Variants in GARS1 observed in about 807,000 individuals in gnomAD.
GARS1 encodes the protein glycine--tRNA ligase.
GARS1 carries 46 observed loss-of-function variants against 86.4 expected under a neutral mutation model. The ratio of observed to expected loss-of-function variants is 0.53; its 90% CI spans 0.42 to 0.68. The LOEUF (loss-of-function observed/expected upper bound fraction) is 0.68. Among genes scored for constraint, GARS1 ranks in the 30% least tolerant of loss-of-function variants. The pLI is 0.00. For synonymous variants in GARS1, 342 were observed against 329.8 expected (o/e 1.04, Z -0.40); for missense variants, 797 against 915.6 (o/e 0.87, Z 1.67).
intron 6 of GARS1, among the ~76,000 whole-genome samples, chr7:30,607,961 G>C (rs1791516753): frequency 6.6e-6 from 1 of 152,096 alleles, no homozygotes; most frequent in Non-Finnish European, 1.5e-5. Context: ...CTCCATTGTG[G>C]TTTTCTTCAC....
intron 10 of GARS1, among the ~76,000 whole-genome samples, chr7:30,620,990 A>G (rs1237018553): frequency 6.6e-6 from 1 of 152,214 alleles, no homozygotes; most frequent in Non-Finnish European, 1.5e-5. Flanking sequence ...CAGTATAACA[A>G]TATAAATCCA....
intron 10 of GARS1, among the ~76,000 whole-genome samples, chr7:30,618,782 T>C (rs1256655177): frequency 6.6e-6 from 1 of 152,246 alleles, no homozygotes; most frequent in Non-Finnish European, 1.5e-5. Flanking sequence ...AATGATGTTG[T>C]TTTTAATATA....
At chr7:30,600,575 T>A (rs1352394996) in intron 3 of GARS1, among the ~76,000 whole-genome samples, 1 of 152,240 alleles carries the variant, frequency 6.6e-6, no homozygotes, top group African/African-American at 2.4e-5. Context: ...AACGGATTAT[T>A]ACAACAACAT....
rs375716806 is a variant in GARS1 at position 30,632,219 on chromosome 7, T to G, written c.1904-28T>G. Reference sequence around the variant, plus strand: ...CTGGGCTTAACTCCATTGTTTTATTTTTAATTTACTTTGTTTATTTTGGAT... The same window carrying G: ...CTGGGCTTAACTCCATTGTTTTATTGTTAATTTACTTTGTTTATTTTGGAT... On this transcript the variant is annotated intron_variant, in intron 15 of 16. Transcript: ENST00000389266. This position sits in a 1 kb window ranked among gnomAD's most constrained non-coding sequence, Gnocchi z 4.1. 1.5e-4 allele frequency: 235 copies of G among 1,611,188 alleles called. No individual in the cohort carries two copies. Among genetic ancestry groups the G allele is most frequent in the Non-Finnish European group, 1.8e-4 (210 of 1,177,786 alleles).
intron 10 of GARS1, among the ~76,000 whole-genome samples, chr7:30,620,767 G>A (rs1782987567): frequency 6.6e-6 from 1 of 152,088 alleles, no homozygotes; most frequent in Non-Finnish European, 1.5e-5. Context: ...GAATCCAAAT[G>A]CCCACATTTA....
At chr7:30,621,163 C>T (rs1034659630) in intron 10 of GARS1, among the ~76,000 whole-genome samples, 5 of 151,308 alleles carry the variant, frequency 3.3e-5, no homozygotes, top group Non-Finnish European at 7.4e-5. Flanking sequence ...CCTGGGATTA[C>T]AGGCATGAGC....
At chr7:30,595,208 C>T in intron 1 of GARS1, 65 bp downstream of exon 1, 3 of 1,352,088 alleles carry the variant, frequency 2.2e-6, no homozygotes, top group Non-Finnish European at 3.1e-6. Context: ...TTCTGGTCAT[C>T]CTTCCCTCCT....
chr7:30,610,915 CTG>C (rs1236301065), intron 7 of GARS1, among the ~76,000 whole-genome samples: 1 of 152,106 alleles, frequency 6.6e-6, no homozygotes, highest in Non-Finnish European at 1.5e-5. Flanking sequence ...TACATACTAA[CTG>C]TAAATATATG....
intron 4 of GARS1, among the ~76,000 whole-genome samples, chr7:30,601,588 G>T (rs1375818646): frequency 6.6e-6 from 1 of 152,164 alleles, no homozygotes. Flanking sequence ...GCATTAAAGT[G>T]TTTCTCATTT....
intron 8 of GARS1, among the ~76,000 whole-genome samples, chr7:30,614,647 G>T (rs189218625): frequency 6.6e-6 from 1 of 152,142 alleles, no homozygotes; most frequent in East Asian, 1.9e-4. Flanking sequence ...AGGCAGAGGC[G>T]GGCGGATCAT....
rs529166485 is a variant in GARS1, at chr7:30,594,918, G to T, written c.-4G>T. 1.9e-6 allele frequency: 3 copies of T among 1,574,838 alleles called. No homozygotes were observed. Among genetic ancestry groups the T allele is most frequent in the Admixed American group, 1.8e-5 (1 of 56,568 alleles). On this transcript the variant is annotated 5_prime_UTR_variant, in exon 1 of 17. Coordinates refer to ENST00000389266, the MANE Select transcript of GARS1 (RefSeq NM_002047.4). ...CTCTCTGGACAGCCCAGGGCCGCAG[G>T]CTCATGCCCTCTCCGCGTCCAGTGC...
Position 30,616,070 on chromosome 7 carries a change from G to C in GARS1, c.1194+12G>C, listed in dbSNP as rs777879141. The C allele has an allele frequency of 7.4e-6, 12 of 1,614,010 alleles. No homozygotes were observed. In the African/African-American group the frequency reaches 1.5e-4, roughly 20 times the overall value. ...ATGCTGTTGAACAGGTAGGATTCTG[G>C]AGGTAACTTAACTTAGATTGTGCCT... On this transcript the variant is annotated intron_variant, in intron 9 of 16. Transcript: ENST00000389266.
At chr7:30,603,654 A>G in intron 6 of GARS1, 82 bp downstream of exon 6, 1 of 985,560 alleles carries the variant, frequency 1.0e-6, no homozygotes, top group South Asian at 1.3e-5. Context: ...TGCATTTCCC[A>G]TTATGCTGAC....
In GARS1 at chr7:30,632,114, C is replaced by T; in HGVS notation, c.1904-133C>T. The stretch of plus-strand genomic sequence containing the variant: ...TTAAACTTTAGGGATATTTCTTTCT[C>T]TTGCAACTCAACTTGTTGCTTTCTT... On this transcript the variant is annotated intron_variant, in intron 15 of 16. Transcript: ENST00000389266. The surrounding 1 kb of genome is among the most constrained non-coding windows in gnomAD (Gnocchi z 4.1). The T allele has an allele frequency of 1.2e-6, 1 of 833,326 alleles. No homozygotes were observed. The highest frequency in any genetic ancestry group is 1.5e-5 in the South Asian group (1 of 68,090). 51.6% of individuals were successfully genotyped at this position (833,326 alleles called of 1,614,324 possible).
intron 15 of GARS1, chr7:30,631,818 G>A (rs1783240670): frequency 1.8e-5 from 7 of 392,676 alleles, no homozygotes; most frequent in Non-Finnish European, 3.4e-5. Context: ...CAAGTTCATC[G>A]AGGGAACCTG....
intron 6 of GARS1, among the ~76,000 whole-genome samples, chr7:30,606,931 T>C (rs1791496725): frequency 6.6e-6 from 1 of 152,192 alleles, no homozygotes; most frequent in Non-Finnish European, 1.5e-5. Flanking sequence ...ATCTCTCTCC[T>C]TTACCCTTAC....
At chr7:30,604,787 C>T (rs1171420858) in intron 6 of GARS1, among the ~76,000 whole-genome samples, 3 of 152,006 alleles carry the variant, frequency 2.0e-5, no homozygotes, top group Non-Finnish European at 2.9e-5. Context: ...AAAGGCATGC[C>T]CTTTATTAGA....
At chr7:30,599,900 T>TTTC in intron 2 of GARS1, 47 bp from the exon 3 acceptor site, 1 of 1,198,670 alleles carries the variant, frequency 8.3e-7, no homozygotes. Flanking sequence ...AAGTTCAGAT[T>TTTC]CCCACCCACC....
intron 13 of GARS1, chr7:30,627,315 T>C (rs746164356): frequency 5.1e-6 from 1 of 196,542 alleles, no homozygotes; most frequent in Non-Finnish European, 1.1e-5. Flanking sequence ...TGGGGCTTTA[T>C]AGCCATGATC....
Sources: gnomAD v4.1 joint callset for allele counts (sites outside exome capture counted in the v4.1 genomes callset) on GRCh38, gnomAD v4.1.1 for gene constraint, Gnocchi (gnomAD v3.1) non-coding constraint, MANE v1.5 for transcripts, NCBI Gene and HGNC (gene_info 2026-07-23, HGNC 2026-07-21) for gene names.